CFAP299: variants seen among roughly 807,000 people sequenced by gnomAD.
The protein encoded by CFAP299 is cilia and flagella associated protein 299.
Under a neutral mutation model 27.0 loss-of-function variants are expected in CFAP299, and 21 were observed. The ratio of observed to expected loss-of-function variants is 0.78; its 90% CI spans 0.55 to 1.12. CFAP299 has a LOEUF of 1.12. CFAP299 is among the 50% of genes most tolerant of loss of function. The pLI is 0.00. For synonymous variants in CFAP299, 104 were observed against 98.1 expected, an observed-to-expected ratio of 1.06 and a Z score of -0.36; for missense variants, 310 against 276.6, an observed-to-expected ratio of 1.12 and a Z score of -0.86.
intron 3 of CFAP299, among the ~76,000 whole-genome samples, chr4:80,800,632 A>C (rs1460533971): frequency 9.8e-6 from 1 of 102,530 alleles, no homozygotes; most frequent in African/African-American, 4.1e-5. Context: ...ATATTAATAT[A>C]AATATATAAT....
intron 2 of CFAP299, among the ~76,000 whole-genome samples, chr4:80,430,826 C>T (rs145230269): frequency 8.5e-5 from 13 of 152,326 alleles, no homozygotes; most frequent in African/African-American, 3.1e-4. Flanking sequence ...AATCTATCAT[C>T]TTTTTACCTC....
At chr4:80,764,222 C>T (rs1247253990) in intron 3 of CFAP299, among the ~76,000 whole-genome samples, 1 of 152,040 alleles carries the variant, frequency 6.6e-6, no homozygotes, top group Non-Finnish European at 1.5e-5. Flanking sequence ...GGGCTAATAT[C>T]CAGAGTCTAC....
intron 5 of CFAP299, among the ~76,000 whole-genome samples, chr4:80,953,330 TTC>T (rs1474059096): frequency 6.6e-6 from 1 of 152,158 alleles, no homozygotes; most frequent in African/African-American, 2.4e-5. Context: ...CTTGCCAACT[TTC>T]TCGTTTTGCT....
intron 2 of CFAP299, among the ~76,000 whole-genome samples, chr4:80,364,743 T>C (rs1560531391): frequency 6.6e-6 from 1 of 152,180 alleles, no homozygotes; most frequent in Non-Finnish European, 1.5e-5. Context: ...TTCCTGATGC[T>C]CTTGCTTCAA....
intron 3 of CFAP299, among the ~76,000 whole-genome samples, chr4:80,597,579 C>T (rs574821334): frequency 2.6e-5 from 4 of 152,224 alleles, no homozygotes; most frequent in East Asian, 1.9e-4. Flanking sequence ...GATGTTTCTA[C>T]GCTGTTTAAG....
intron 2 of CFAP299, among the ~76,000 whole-genome samples, chr4:80,497,580 AT>A (rs1472897729): frequency 6.6e-6 from 1 of 152,054 alleles, no homozygotes; most frequent in Non-Finnish European, 1.5e-5. Flanking sequence ...TTTTGTTACC[AT>A]TTGGGTATTT....
intron 4 of CFAP299, among the ~76,000 whole-genome samples, chr4:80,928,717 A>G (rs202196234): frequency 6.6e-6 from 1 of 152,156 alleles, no homozygotes; most frequent in Non-Finnish European, 1.5e-5. Flanking sequence ...AACAGCAAAG[A>G]TTACTTATCC....
intron 1 of CFAP299, among the ~76,000 whole-genome samples, chr4:80,341,312 C>T (rs1409704699): frequency 6.6e-6 from 1 of 152,138 alleles, no homozygotes. Flanking sequence ...TCCCCCAACG[C>T]AGCACACCTG....
intron 4 of CFAP299, among the ~76,000 whole-genome samples, chr4:80,874,299 A>T (rs1175744373): frequency 6.6e-6 from 1 of 152,180 alleles, no homozygotes; most frequent in African/African-American, 2.4e-5. Context: ...AAACCTACTA[A>T]CTAAAGGAGA....
intron 2 of CFAP299, among the ~76,000 whole-genome samples, chr4:80,428,051 G>T (rs1727611305): frequency 6.6e-6 from 1 of 152,152 alleles, no homozygotes; most frequent in South Asian, 2.1e-4. Flanking sequence ...AAGTTAATAT[G>T]CTAGACAGCA....
intron 4 of CFAP299, among the ~76,000 whole-genome samples, chr4:80,913,787 C>A (rs1031735188): frequency 2.0e-5 from 3 of 152,216 alleles, no homozygotes; most frequent in African/African-American, 7.2e-5. Context: ...ATCTACACAC[C>A]GCCACAATTA....
intron 2 of CFAP299, among the ~76,000 whole-genome samples, chr4:80,494,293 C>T (rs556210174): frequency 9.9e-5 from 15 of 152,186 alleles, no homozygotes; most frequent in Non-Finnish European, 2.1e-4. Context: ...CACTATCTTC[C>T]CACCAGCTCT....
chr4:80,797,284 AG>A (rs1030262077), intron 3 of CFAP299, among the ~76,000 whole-genome samples: 2 of 152,124 alleles, frequency 1.3e-5, no homozygotes, highest in African/African-American at 4.8e-5. Context: ...CTTCATTCAA[AG>A]GGTTTTGGGT....
At chr4:80,342,306 G>A (rs1320975024) in intron 1 of CFAP299, among the ~76,000 whole-genome samples, 1 of 152,118 alleles carries the variant, frequency 6.6e-6, no homozygotes, top group African/African-American at 2.4e-5. Flanking sequence ...TCAGGTTCAG[G>A]AAATACAGAC....
At chr4:80,943,349 G>A (rs767044243) in intron 4 of CFAP299, among the ~76,000 whole-genome samples, 12 of 151,980 alleles carry the variant, frequency 7.9e-5, no homozygotes, top group Non-Finnish European at 1.2e-4. Flanking sequence ...AGTAAACATT[G>A]CACTTTTAGG....
chr4:80,661,203 G>A (rs1014893656), intron 3 of CFAP299, among the ~76,000 whole-genome samples: 12 of 151,790 alleles, frequency 7.9e-5, no homozygotes, highest in African/African-American at 2.7e-4. Flanking sequence ...GCGTGCTCCT[G>A]TTGTCCCAGC....
At chr4:80,908,413 C>A (rs755481435) in intron 4 of CFAP299, among the ~76,000 whole-genome samples, 9 of 152,142 alleles carry the variant, frequency 5.9e-5, no homozygotes, top group Non-Finnish European at 1.3e-4. Context: ...TTGTTCTTCC[C>A]CATTCTTTAA....
At chr4:80,476,958 T>TGCGC (rs1491475471) in intron 2 of CFAP299, among the ~76,000 whole-genome samples, 225 of 67,460 alleles carry the variant, frequency 3.3e-3, no homozygotes, top group Middle Eastern at 0.022. Context: ...TGTGTGCGCA[T>TGCGC]GCGTGTGTGT....
intron 3 of CFAP299, among the ~76,000 whole-genome samples, chr4:80,654,657 A>C (rs1170260001): frequency 6.6e-6 from 1 of 152,082 alleles, no homozygotes; most frequent in Non-Finnish European, 1.5e-5. Flanking sequence ...TTAGGCTGAA[A>C]TGCACAGGCA....
Sources: gnomAD v4.1 joint callset for allele counts (sites outside exome capture counted in the v4.1 genomes callset) on GRCh38, gnomAD v4.1.1 for gene constraint, MANE v1.5 for transcripts, NCBI Gene and HGNC (gene_info 2026-07-23, HGNC 2026-07-21) for gene names.